Variants in ATXN10 observed in about 807,000 individuals in gnomAD.
The protein encoded by ATXN10 is ataxin 10, also known as ataxin-10.
A neutral mutation model predicts 52.9 loss-of-function variants in ATXN10; 28 were observed. The observed-to-expected ratio is 0.53, with a 90% CI of 0.39 to 0.73. The LOEUF is 0.73. ATXN10 is among the 30% of genes least tolerant of loss of function. The pLI, the probability that ATXN10 is intolerant of heterozygous loss-of-function variation, is 0.00. For missense variants in ATXN10, 565 were observed against 577.0 expected, an observed-to-expected ratio of 0.98 and a Z score of 0.21; for synonymous variants, 226 against 221.5, an observed-to-expected ratio of 1.02 and a Z score of -0.18.
chr22:45,782,728 C>T (rs1303633415), intron 9 of ATXN10, among the ~76,000 whole-genome samples: 1 of 152,128 alleles, frequency 6.6e-6, no homozygotes, highest in Non-Finnish European at 1.5e-5. Flanking sequence ...AAGCGATACA[C>T]GTAAGATTTG....
At chr22:45,838,704 A>T (rs923016891) in intron 10 of ATXN10, among the ~76,000 whole-genome samples, 1 of 152,162 alleles carries the variant, frequency 6.6e-6, no homozygotes, top group Non-Finnish European at 1.5e-5. Flanking sequence ...CACAGGCTGC[A>T]CTCTAACAAG....
intron 9 of ATXN10, among the ~76,000 whole-genome samples, chr22:45,777,763 C>G (rs915891442): frequency 2.6e-5 from 4 of 152,256 alleles, no homozygotes; most frequent in Non-Finnish European, 5.9e-5. Flanking sequence ...CACTTAAGCT[C>G]TAGCTGCCTG....
At chr22:45,746,056 A>G (rs1211057146) in intron 9 of ATXN10, among the ~76,000 whole-genome samples, 6 of 152,120 alleles carry the variant, frequency 3.9e-5, no homozygotes, top group African/African-American at 1.2e-4. Flanking sequence ...CAAATCATAT[A>G]TATTTTAGAT....
chr22:45,798,602 C>T (rs575559618), intron 9 of ATXN10, among the ~76,000 whole-genome samples: 1 of 152,328 alleles, frequency 6.6e-6, no homozygotes, highest in South Asian at 2.1e-4. Flanking sequence ...TGCTCTCTCT[C>T]TGACATCAGG....
Position 45,688,632 on chromosome 22 carries a change from C to A in ATXN10, c.117-1080C>A, listed in dbSNP as rs1029937025. ...CTTCCATAGGTGTCTTCTGCGGCAACTGAGCAGCTCTGTAACCTGGGCAGC... is the reference window on the plus strand; with the variant it reads ...CTTCCATAGGTGTCTTCTGCGGCAAATGAGCAGCTCTGTAACCTGGGCAGC... On this transcript the variant is annotated intron_variant, in intron 1 of 11. Transcript: ENST00000252934. This position sits in a 1 kb window ranked among gnomAD's most constrained non-coding sequence, Gnocchi z 4.0. 6.6e-6 allele frequency among the ~76,000 whole-genome samples: 1 copy of A among 152,226 alleles called. No homozygotes were observed. The highest frequency in any genetic ancestry group is 2.4e-5 in the African/African-American group (1 of 41,460).
intron 10 of ATXN10, among the ~76,000 whole-genome samples, chr22:45,832,224 A>G (rs563663998): frequency 2.6e-5 from 4 of 152,320 alleles, no homozygotes; most frequent in Admixed American, 2.0e-4. Flanking sequence ...GCTCCTTACC[A>G]TAGCCTAAGA....
intron 9 of ATXN10, among the ~76,000 whole-genome samples, chr22:45,788,512 C>T (rs1469771653): frequency 2.0e-5 from 3 of 151,760 alleles, no homozygotes; most frequent in Non-Finnish European, 4.4e-5. Flanking sequence ...CCTGCATCAC[C>T]TTTCATTCAG....
At chr22:45,749,049 A>G (rs553816598) in intron 9 of ATXN10, among the ~76,000 whole-genome samples, 2 of 152,314 alleles carry the variant, frequency 1.3e-5, no homozygotes, top group Admixed American at 6.5e-5. Context: ...GAATGATACT[A>G]ATTATATAAT....
intron 3 of ATXN10, among the ~76,000 whole-genome samples, chr22:45,699,005 A>G (rs1923729816): frequency 6.6e-6 from 1 of 152,196 alleles, no homozygotes; most frequent in South Asian, 2.1e-4. Flanking sequence ...AACTGTAATT[A>G]CATTGTCAAA....
intron 1 of ATXN10, among the ~76,000 whole-genome samples, chr22:45,682,750 A>G (rs545731536): frequency 3.3e-5 from 5 of 152,268 alleles, no homozygotes; most frequent in East Asian, 1.9e-4. Context: ...ACATCTTTCA[A>G]TTTATGGCTC....
At chr22:45,723,364 T>A (rs1018451827) in intron 6 of ATXN10, among the ~76,000 whole-genome samples, 1 of 150,944 alleles carries the variant, frequency 6.6e-6, no homozygotes, top group South Asian at 2.1e-4. Flanking sequence ...CATGGATGGG[T>A]TGTATAGTGG....
Position 45,835,136 on chromosome 22 carries a change from G to A in ATXN10, c.1238-7855G>A, listed in dbSNP as rs898265257. ...CCGTGAATGTGAGGTACCTGTGAGCGCGGCCCTCCATCGGCCACAGAAGCT... is the reference window on the plus strand; with the variant it reads ...CCGTGAATGTGAGGTACCTGTGAGCACGGCCCTCCATCGGCCACAGAAGCT... On this transcript the variant is annotated intron_variant, in intron 10 of 11. Transcript: ENST00000252934. The surrounding 1 kb of genome is among the most constrained non-coding windows in gnomAD (Gnocchi z 5.0). Among the ~76,000 whole-genome samples, 9 of 152,320 alleles carry A rather than the reference G, an allele frequency of 5.9e-5. No individual in the cohort carries two copies. The highest frequency in any genetic ancestry group is 8.8e-5 in the Non-Finnish European group (6 of 68,028).
At chr22:45,827,999 T>G (rs1053062569) in intron 10 of ATXN10, among the ~76,000 whole-genome samples, 12 of 152,020 alleles carry the variant, frequency 7.9e-5, no homozygotes, top group Non-Finnish European at 1.8e-4. Flanking sequence ...TTATGGAAAT[T>G]AAAAAACATA....
At chr22:45,738,957 T>G (rs1925407766) in intron 8 of ATXN10, 118 bp downstream of exon 8, 1 of 967,468 alleles carries the variant, frequency 1.0e-6, no homozygotes, top group Admixed American at 2.0e-5. Context: ...TTTGTGAATA[T>G]ATTTTTTTGA....
chr22:45,823,012 C>T lies in ATXN10; in HGVS notation c.1237+15990C>T. 2 of 280,182 alleles carry T rather than the reference C, an allele frequency of 7.1e-6. No homozygotes were observed. Among genetic ancestry groups the T allele is most frequent in the South Asian group, 6.9e-5 (2 of 29,190 alleles). 17.4% of individuals were successfully genotyped at this position (280,182 alleles called of 1,614,324 possible). A position where few individuals can be genotyped will look rare whatever the true frequency, so the allele number is the denominator to read the frequency against. On this transcript the variant is annotated intron_variant, in intron 10 of 11. Transcript: ENST00000252934. The surrounding 1 kb of genome is among the most constrained non-coding windows in gnomAD (Gnocchi z 4.9). ...ATGTGTTGAAATAGTCTTTCCCATC[C>T]ATCTTTGTTCTTACTTTCCTCATGG...
At chr22:45,748,750 G>A (rs1297696641) in intron 9 of ATXN10, among the ~76,000 whole-genome samples, 1 of 152,142 alleles carries the variant, frequency 6.6e-6, no homozygotes, top group Non-Finnish European at 1.5e-5. Flanking sequence ...GGCTTGCTTA[G>A]AATTCCACTT....
At chr22:45,813,364 G>A (rs1157516927) in intron 10 of ATXN10, among the ~76,000 whole-genome samples, 1 of 150,232 alleles carries the variant, frequency 6.7e-6, no homozygotes, top group Non-Finnish European at 1.5e-5. Flanking sequence ...TTTTACTGGG[G>A]GGAGGGTGTG....
At chr22:45,776,567 G>T (rs1362564923) in intron 9 of ATXN10, among the ~76,000 whole-genome samples, 3 of 151,640 alleles carry the variant, frequency 2.0e-5, no homozygotes, top group African/African-American at 7.3e-5. Context: ...TGATATGGAA[G>T]AGAAGTTTCT....
At chr22:45,778,958 G>A (rs1420264669) in intron 9 of ATXN10, among the ~76,000 whole-genome samples, 2 of 152,164 alleles carry the variant, frequency 1.3e-5, no homozygotes, top group Non-Finnish European at 2.9e-5. Context: ...CAGAGTATCA[G>A]AGGATCTAGA....
Sources: gnomAD v4.1 joint callset for allele counts (sites outside exome capture counted in the v4.1 genomes callset) on GRCh38, gnomAD v4.1.1 for gene constraint, Gnocchi (gnomAD v3.1) non-coding constraint, MANE v1.5 for transcripts, NCBI Gene and HGNC (gene_info 2026-07-23, HGNC 2026-07-21) for gene names.